PTPRT: variants seen among roughly 807,000 people sequenced by gnomAD.
The protein encoded by PTPRT is protein tyrosine phosphatase receptor type T.
In PTPRT, 56 loss-of-function variants were observed where a neutral mutation model predicts 176.8. That is an observed-to-expected ratio of 0.32 (90% confidence interval 0.26 to 0.40). PTPRT has a LOEUF of 0.40. PTPRT is among the 10% of genes least tolerant of loss of function. The pLI, the probability that PTPRT is intolerant of heterozygous loss-of-function variation, is 1.00. For missense variants in PTPRT, 1,540 were observed against 1,908.2 expected, an observed-to-expected ratio of 0.81 and a Z score of 3.60; for synonymous variants, 783 against 739.0, an observed-to-expected ratio of 1.06 and a Z score of -0.96.
At chr20:42,153,353 T>C (rs1260729985) in intron 17 of PTPRT, among the ~76,000 whole-genome samples, 1 of 152,116 alleles carries the variant, frequency 6.6e-6, no homozygotes, top group East Asian at 1.9e-4. Flanking sequence ...GTCAAACATT[T>C]CACAGATGAA....
At chr20:42,475,568 G>C (rs930461793) in intron 7 of PTPRT, among the ~76,000 whole-genome samples, 1 of 152,142 alleles carries the variant, frequency 6.6e-6, no homozygotes, top group Admixed American at 6.5e-5. Context: ...ATAAATATGA[G>C]GCATGTCGCC....
chr20:42,830,002 G>A (rs2078058378), intron 2 of PTPRT, among the ~76,000 whole-genome samples: 1 of 152,086 alleles, frequency 6.6e-6, no homozygotes, highest in Non-Finnish European at 1.5e-5. Context: ...ATTCACAGCT[G>A]AATACTACCA....
chr20:42,472,986 T>C (rs1283177438), intron 7 of PTPRT, among the ~76,000 whole-genome samples: 1 of 152,132 alleles, frequency 6.6e-6, no homozygotes, highest in African/African-American at 2.4e-5. Flanking sequence ...CCCCAGCCTG[T>C]CCCCTTGGAG....
chr20:42,824,517 G>A (rs1323716532), intron 2 of PTPRT, among the ~76,000 whole-genome samples: 1 of 151,848 alleles, frequency 6.6e-6, no homozygotes, highest in Non-Finnish European at 1.5e-5. Context: ...AGGGGAGAAA[G>A]GCTAAACTAT....
chr20:42,719,951 G>A (rs549472201), intron 6 of PTPRT, among the ~76,000 whole-genome samples: 9 of 152,190 alleles, frequency 5.9e-5, no homozygotes, highest in Non-Finnish European at 1.2e-4. Context: ...CCTACCAAAG[G>A]CCTCCGCCAT....
chr20:42,152,688 A>G (rs1325879556), intron 17 of PTPRT, among the ~76,000 whole-genome samples: 1 of 152,146 alleles, frequency 6.6e-6, no homozygotes, highest in African/African-American at 2.4e-5. Context: ...ACTTCAGGCT[A>G]CAGACTTCCA....
intron 6 of PTPRT, among the ~76,000 whole-genome samples, chr20:42,709,694 G>T (rs1387225100): frequency 6.6e-6 from 1 of 152,170 alleles, no homozygotes; most frequent in Non-Finnish European, 1.5e-5. Context: ...TGTTGAACTG[G>T]TTTTTGAACT....
intron 1 of PTPRT, among the ~76,000 whole-genome samples, chr20:43,106,722 A>C (rs1325922654): frequency 2.9e-5 from 2 of 68,762 alleles, no homozygotes; most frequent in African/African-American, 1.1e-4. Context: ...GAAGGGAGGG[A>C]GGGAGGGAGG....
intron 1 of PTPRT, among the ~76,000 whole-genome samples, chr20:42,941,092 AAT>A (rs762506301): frequency 1.6e-4 from 23 of 147,254 alleles, no homozygotes; most frequent in African/African-American, 5.2e-4. Flanking sequence ...AAAAAAAAAT[AAT>A]AATAATAATA....
At chr20:43,061,016 A>C (rs74394861) in intron 1 of PTPRT, among the ~76,000 whole-genome samples, 1 of 152,076 alleles carries the variant, frequency 6.6e-6, no homozygotes, top group African/African-American at 2.4e-5. Context: ...AGATAGCTAG[A>C]TATCTAGATA....
At chr20:42,846,165 A>G (rs1045415462) in intron 2 of PTPRT, among the ~76,000 whole-genome samples, 6 of 152,176 alleles carry the variant, frequency 3.9e-5, no homozygotes, top group African/African-American at 1.4e-4. Flanking sequence ...GTCACTCGCC[A>G]TGCTTTATAA....
Position 43,038,242 on chromosome 20 carries a change from G to C in PTPRT, c.88+151404C>G, listed in dbSNP as rs940572643. On this transcript the variant is annotated intron_variant, in intron 1 of 30. Coordinates refer to ENST00000373187, the MANE Select transcript of PTPRT (RefSeq NM_007050.6). ...AATTACAAACACATTTCGCCCAAAG[G>C]GTTTCAGACAAGGGATTAAGGAGCT... Among the ~76,000 whole-genome samples the C allele has an allele frequency of 1.3e-5, 2 of 150,892 alleles. 1 individual carries two copies. The highest frequency in any genetic ancestry group is 4.9e-5 in the African/African-American group (2 of 40,496).
chr20:42,473,708 C>G (rs1274569003), intron 7 of PTPRT, among the ~76,000 whole-genome samples: 1 of 152,164 alleles, frequency 6.6e-6, no homozygotes, highest in Non-Finnish European at 1.5e-5. Flanking sequence ...CTCCTGGGCT[C>G]AAGTGATCCT....
intron 17 of PTPRT, among the ~76,000 whole-genome samples, chr20:42,149,060 A>G (rs1330636565): frequency 6.6e-6 from 1 of 152,182 alleles, no homozygotes; most frequent in Non-Finnish European, 1.5e-5. Context: ...CCAGGTATGC[A>G]TTCACTTCAT....
chr20:42,348,372 T>TTATA (rs2058226602), intron 11 of PTPRT, among the ~76,000 whole-genome samples: 4 of 146,498 alleles, frequency 2.7e-5, no homozygotes, highest in African/African-American at 1.0e-4. Flanking sequence ...GACATTTCTT[T>TTATA]TATTTATTTA....
rs766594842 is a variant in PTPRT, at chr20:42,080,861, G to T, written c.*18C>A. The T allele has an allele frequency of 3.1e-6, 5 of 1,602,152 alleles. No individual in the cohort carries two copies. The Admixed American group carries it at 5.0e-5, about 16-fold the overall frequency. On this transcript the variant is annotated 3_prime_UTR_variant, in exon 31 of 31. Coordinates refer to ENST00000373187, the MANE Select transcript of PTPRT (RefSeq NM_007050.6). ...CACAGCAGCCTCTGGACTCCGGCAG[G>T]TTCCCCATCCCATTGAGCTAAAAGG...
At chr20:42,779,794 CT>C (rs1364100878) in intron 4 of PTPRT, among the ~76,000 whole-genome samples, 1 of 151,200 alleles carries the variant, frequency 6.6e-6, no homozygotes, top group Non-Finnish European at 1.5e-5. Flanking sequence ...CTTCAGGGTA[CT>C]TTTCCCTGTG....
chr20:43,173,676 A>G (rs1037118406), intron 1 of PTPRT, among the ~76,000 whole-genome samples: 6 of 152,180 alleles, frequency 3.9e-5, no homozygotes, highest in Non-Finnish European at 7.3e-5. Context: ...CGGCACCTTC[A>G]GGTGCTGGGT....
intron 1 of PTPRT, among the ~76,000 whole-genome samples, chr20:42,920,103 C>A (rs1979046127): frequency 6.6e-6 from 1 of 152,152 alleles, no homozygotes; most frequent in Non-Finnish European, 1.5e-5. Context: ...CTTTGGCTGT[C>A]CCTATCACTT....
Sources: gnomAD v4.1 joint callset for allele counts (sites outside exome capture counted in the v4.1 genomes callset) on GRCh38, gnomAD v4.1.1 for gene constraint, MANE v1.5 for transcripts, NCBI Gene and HGNC (gene_info 2026-07-23, HGNC 2026-07-21) for gene names.